ZNF81: variants seen among roughly 807,000 people sequenced by gnomAD.
ZNF81 encodes the protein zinc finger protein 81 (HFZ20).
Under a neutral mutation model 32.3 loss-of-function variants are expected in ZNF81, and 5 were observed. The observed-to-expected ratio is 0.15, with a 90% CI of 0.08 to 0.33. The LOEUF is 0.33. Ranked by LOEUF, ZNF81 falls within the 10% of genes least tolerant of loss-of-function variation. The pLI is 1.00. For synonymous variants in ZNF81, 163 were observed against 166.8 expected, an observed-to-expected ratio of 0.98 and a Z score of 0.17; for missense variants, 379 against 479.8, an observed-to-expected ratio of 0.79 and a Z score of 1.96.
chrX:47,887,959 T>G (rs782467016), intron 2 of ZNF81, 40 bp from the exon 3 acceptor site: 2 of 1,208,892 alleles, frequency 1.7e-6, no homozygotes, highest in African/African-American at 3.5e-5. Flanking sequence ...CATCCTCCAG[T>G]GCTGATCATG....
At chrX:47,905,280 G>A (rs1251962726) in intron 4 of ZNF81, among the ~76,000 whole-genome samples, 12 of 105,875 alleles carry the variant, frequency 1.1e-4, no homozygotes, top group East Asian at 5.9e-4. Flanking sequence ...ATGTGGTGGC[G>A]GGTGCCTGTA....
chrX:47,888,332 A>T, intron 3 of ZNF81: 1 of 493,367 alleles, frequency 2.0e-6, no homozygotes. Flanking sequence ...TAAAAAGGAG[A>T]AAACTGGACA....
At chrX:47,913,235 T>C (rs2058745072) in intron 4 of ZNF81, among the ~76,000 whole-genome samples, 1 of 111,971 alleles carries the variant, frequency 8.9e-6, no homozygotes, top group African/African-American at 3.2e-5. Context: ...GCATTTGTTA[T>C]AACAGAAAAA....
chrX:47,888,754 G>A (rs1270726733), intron 3 of ZNF81, among the ~76,000 whole-genome samples: 3 of 111,509 alleles, frequency 2.7e-5, no homozygotes, highest in Non-Finnish European at 3.8e-5. Context: ...TGGAGCTAGG[G>A]GCTAGGTTTT....
In ZNF81 at chrX:47,915,989, G is replaced by C; in HGVS notation, c.1343G>C (p.Gly448Ala). ...GERSYICTQCGQAFIQKAHLI... is the reference protein window; with the variant it reads ...GERSYICTQCAQAFIQKAHLI... Reference sequence around the variant, plus strand: ...AGGTCCTATATCTGTACTCAATGTGGGCAGGCCTTCATCCAGAAGGCACAC... The same window carrying C: ...AGGTCCTATATCTGTACTCAATGTGCGCAGGCCTTCATCCAGAAGGCACAC... The change falls in exon 5 of 5, where the codon GGG becomes GCG. Residue 448 changes from glycine (G) to alanine (A), a missense_variant. By Grantham distance (60) the Gly-to-Ala change is moderately conservative. Around this residue, in one of 2 missense-constraint regions of ZNF81, gnomAD observed 102 missense variants for 173.2 expected, o/e 0.59. Coordinates refer to ENST00000338637, the MANE Select transcript of ZNF81 (RefSeq NM_007137.5). The C allele has an allele frequency of 8.3e-7, 1 of 1,211,400 alleles. No individual in the cohort carries two copies. Among genetic ancestry groups the C allele is most frequent in the Non-Finnish European group, 1.1e-6 (1 of 895,427 alleles).
At chrX:47,837,970 G>C (rs1429113044) in intron 1 of ZNF81, among the ~76,000 whole-genome samples, 1 of 112,054 alleles carries the variant, frequency 8.9e-6, no homozygotes, top group Admixed American at 9.4e-5. Context: ...CATATACATA[G>C]TATGTCTCTC....
chrX:47,885,101 A>G (rs1166549300), intron 2 of ZNF81, among the ~76,000 whole-genome samples: 2 of 112,270 alleles, frequency 1.8e-5, no homozygotes, highest in East Asian at 2.8e-4. Context: ...TAAAAGTACC[A>G]TCCAACTGTG....
chrX:47,850,887 GCGCGCACA>G (rs1182469347), intron 2 of ZNF81, among the ~76,000 whole-genome samples: 3 of 24,552 alleles, frequency 1.2e-4, no homozygotes, highest in African/African-American at 2.5e-4. Flanking sequence ...TCACAGGCAC[GCGCGCACA>G]CACACACACA....
chrX:47,921,445 G>T lies in ZNF81; in HGVS notation c.*4813G>T, dbSNP rs546386527. Reference sequence around the variant, plus strand: ...CCCTACACCAACCAGATTTTCAACTGCTGGACATATGAATGAAGCTATCCT... The same window carrying T: ...CCCTACACCAACCAGATTTTCAACTTCTGGACATATGAATGAAGCTATCCT... On this transcript the variant is annotated 3_prime_UTR_variant, in exon 5 of 5. Transcript: ENST00000338637. 1 of 110,391 alleles carries T rather than the reference G, an allele frequency of 9.1e-6. No individual in the cohort carries two copies. Among genetic ancestry groups the T allele is most frequent in the Non-Finnish European group, 1.9e-5 (1 of 52,832 alleles). 9.1% of individuals were successfully genotyped at this position (110,391 alleles called of 1,213,427 possible).
rs1278235470 is a variant in ZNF81, at chrX:47,920,308, A to G, written c.*3676A>G. ...GGTCTCTCTCCATGTTGTTGCCTCTATGTTAGTAGTAGACAACTGTTATTA... is the reference window on the plus strand; with the variant it reads ...GGTCTCTCTCCATGTTGTTGCCTCTGTGTTAGTAGTAGACAACTGTTATTA... On this transcript the variant is annotated 3_prime_UTR_variant, in exon 5 of 5. Coordinates refer to ENST00000338637, the MANE Select transcript of ZNF81 (RefSeq NM_007137.5). 2.7e-5 allele frequency: 3 copies of G among 111,177 alleles called. No homozygotes were observed. Among genetic ancestry groups the G allele is most frequent in the Non-Finnish European group, 5.7e-5 (3 of 53,017 alleles). 9.2% of individuals were successfully genotyped at this position (111,177 alleles called of 1,213,427 possible).
At chrX:47,844,049 T>A (rs2058461428) in intron 1 of ZNF81, among the ~76,000 whole-genome samples, 2 of 112,453 alleles carry the variant, frequency 1.8e-5, no homozygotes, top group Admixed American at 1.9e-4. Flanking sequence ...AATACAATGC[T>A]GTATTCCGTA....
chrX:47,915,566 G>T lies in ZNF81; in HGVS notation c.920G>T (p.Cys307Phe), dbSNP rs782206730. The T allele has an allele frequency of 1.7e-6, 2 of 1,211,436 alleles. No individual in the cohort carries two copies. Among genetic ancestry groups the T allele is most frequent in the Non-Finnish European group, 2.2e-6 (2 of 895,417 alleles). The change falls in exon 5 of 5, where the codon TGT becomes TTT. Residue 307 changes from cysteine (C) to phenylalanine (F), a missense_variant. By Grantham distance (205) the Cys-to-Phe change is radical. Around this residue, in one of 2 missense-constraint regions of ZNF81, gnomAD observed 277 missense variants for 306.6 expected, o/e 0.90. Coordinates refer to ENST00000338637, the MANE Select transcript of ZNF81 (RefSeq NM_007137.5). ...TVEKPHELSK[C>F]VNVFTQKPLL... is the part of the protein sequence containing the mutation. ...GAAAAACCTCATGAGCTTAGCAAAT[G>T]TGTAAATGTTTTTACACAGAAGCCA...
chrX:47,915,437 A>G lies in ZNF81; in HGVS notation c.791A>G (p.Asn264Ser). 1 of 1,211,713 alleles carries G rather than the reference A, an allele frequency of 8.3e-7. No individual in the cohort carries two copies. The highest frequency in any genetic ancestry group is 1.1e-6 in the Non-Finnish European group (1 of 895,530). Residue 264 changes from asparagine (N) to serine (S), a missense_variant, in exon 5 of 5, where the codon AAT becomes AGT. Physicochemically the swap from Asn to Ser is conservative, Grantham distance 46 (BLOSUM62 1). This residue lies in a region of ZNF81 where 277 missense variants were observed against 306.6 expected (regional missense o/e 0.90). Coordinates refer to ENST00000338637, the MANE Select transcript of ZNF81 (RefSeq NM_007137.5). ...AGCCTCAAACACTCACTCAGTCAAA[A>G]TGTGAAATTTCCCATTGGAGAGAAA... is the stretch of plus-strand genomic sequence containing the variant. ...VLSLKHSLSQNVKFPIGEKAN... is the reference protein window; with the variant it reads ...VLSLKHSLSQSVKFPIGEKAN...
chrX:47,882,927 G>T (rs1184945675), intron 2 of ZNF81, among the ~76,000 whole-genome samples: 2 of 112,605 alleles, frequency 1.8e-5, no homozygotes, highest in African/African-American at 3.2e-5. Context: ...GGAGGCAGAG[G>T]TTGCAGTGAG....
At chrX:47,901,115 T>C (rs189263389) in intron 4 of ZNF81, among the ~76,000 whole-genome samples, 1 of 110,498 alleles carries the variant, frequency 9.0e-6, no homozygotes, top group Admixed American at 9.6e-5. Context: ...TTTATTTTTG[T>C]TTGTTTTTTT....
At chrX:47,860,559 A>G (rs2058535901) in intron 2 of ZNF81, among the ~76,000 whole-genome samples, 1 of 110,588 alleles carries the variant, frequency 9.0e-6, no homozygotes, top group South Asian at 3.9e-4. Flanking sequence ...TGAGATGATC[A>G]TCATGCCTAT....
rs144934025 is a variant in ZNF81 at position 47,924,272 on chromosome X, T to G, written c.*7640T>G. Among the ~76,000 whole-genome samples the G allele has an allele frequency of 8.1e-3, 906 of 112,356 alleles. 7 individuals are homozygous for G. The highest frequency in any genetic ancestry group is 0.028 in the African/African-American group (882 of 30,971). On this transcript the variant is annotated 3_prime_UTR_variant, in exon 5 of 5. Transcript: ENST00000338637. The stretch of plus-strand genomic sequence containing the variant: ...TTCCTGAGAATTTGGTAGATGCTGC[T>G]CTTCTAAAATTGAGTGATGTTATTA...
intron 3 of ZNF81, among the ~76,000 whole-genome samples, chrX:47,890,912 T>G (rs1285808616): frequency 8.9e-6 from 1 of 111,973 alleles, no homozygotes; most frequent in African/African-American, 3.3e-5. Context: ...GCCCTTAAAT[T>G]TTTTTTCAGA....
intron 2 of ZNF81, among the ~76,000 whole-genome samples, chrX:47,879,159 A>C (rs2058611273): frequency 8.9e-6 from 1 of 111,996 alleles, no homozygotes; most frequent in South Asian, 3.7e-4. Flanking sequence ...TACCGTATGC[A>C]ACCTTAATTT....
Sources: gnomAD v4.1 joint callset for allele counts (sites outside exome capture counted in the v4.1 genomes callset) on GRCh38, gnomAD v4.1.1 for gene constraint, gnomAD v4.1.1 regional missense constraint, MANE v1.5 for transcripts, NCBI Gene and HGNC (gene_info 2026-07-23, HGNC 2026-07-21) for gene names.